MAP4: variants seen among roughly 807,000 people sequenced by gnomAD.
MAP4 encodes microtubule-associated protein 4.
Under a neutral mutation model 170.2 loss-of-function variants are expected in MAP4, and 76 were observed. That is an observed-to-expected ratio of 0.45 (90% CI 0.37 to 0.54). The LOEUF (loss-of-function observed/expected upper bound fraction) is 0.54. Among genes scored for constraint, MAP4 ranks in the 20% least tolerant of loss-of-function variants. The pLI, the probability that MAP4 is intolerant of heterozygous loss-of-function variation, is 0.00. For missense variants in MAP4, 2,506 were observed against 2,748.0 expected (o/e 0.91, Z 1.97); for synonymous variants, 909 against 994.5 (o/e 0.91, Z 1.62).
In MAP4 at chr3:47,904,258, A is replaced by T. The variant is rs550673436; in HGVS notation, c.5384-1258T>A. Among the ~76,000 whole-genome samples, 45 of 152,266 alleles carry T rather than the reference A, an allele frequency of 3.0e-4. No homozygotes were observed. The South Asian group carries it at 9.1e-3, about 31-fold the overall frequency. ...TTATGTGTGTGTGTATGATCTATTT[A>T]CCTATTTCCAGATAACCAGGCAAAT... On this transcript the variant is annotated intron_variant, in intron 9 of 20. Coordinates refer to ENST00000683076, the MANE Select transcript of MAP4 (RefSeq NM_001385682.1).
rs2090409014 is a variant in MAP4, at chr3:47,870,850, G to A, written c.6257C>T (p.Ser2086Phe). The change falls in exon 15 of 21, where the codon TCC becomes TTC. Residue 2086 changes from serine to phenylalanine, a missense_variant. Ser to Phe is a radical substitution (Grantham distance 155). Coordinates refer to ENST00000683076, the MANE Select transcript of MAP4 (RefSeq NM_001385682.1). ...AGGCTGATGCTTGATGTTTTCCGTG[G>A]AGCCAACCTTGGAGCGGACATTCTT... ...DLKNVRSKVGSTENIKHQPGG... is the reference protein window; with the variant it reads ...DLKNVRSKVGFTENIKHQPGG... The A allele has an allele frequency of 6.3e-7, 1 of 1,593,996 alleles. No individual in the cohort carries two copies. Among genetic ancestry groups the A allele is most frequent in the Non-Finnish European group, 8.6e-7 (1 of 1,167,984 alleles).
chr3:47,875,341 G>A (rs1171835288), intron 12 of MAP4, among the ~76,000 whole-genome samples: 2 of 152,198 alleles, frequency 1.3e-5, no homozygotes, highest in East Asian at 3.8e-4. Flanking sequence ...GTAGCTGAGA[G>A]AAAGGAGGAA....
Position 47,915,991 on chromosome 3 carries a change from A to C in MAP4, c.1836T>G (p.Asp612Glu). 1.2e-6 allele frequency: 2 copies of C among 1,614,098 alleles called. No homozygotes were observed. Among genetic ancestry groups the C allele is most frequent in the Non-Finnish European group, 1.7e-6 (2 of 1,179,952 alleles). The stretch of plus-strand genomic sequence containing the variant: ...AAGTAGGTGCAGCTGACTGCCCCAC[A>C]TCCTGCAGAGATTCTAAATGGGAAT... ...SEDSHLESLQ[D>E]VGQSAAPTFM... The change falls in exon 7 of 21, where the codon GAT becomes GAG. Residue 612 changes from aspartate to glutamate, a missense_variant. Asp to Glu is a conservative substitution (Grantham distance 45, BLOSUM62 2). Coordinates refer to ENST00000683076, the MANE Select transcript of MAP4 (RefSeq NM_001385682.1).
chr3:47,863,664 C>T (rs1017033649), intron 17 of MAP4, among the ~76,000 whole-genome samples: 1 of 152,046 alleles, frequency 6.6e-6, no homozygotes, highest in African/African-American at 2.4e-5. Context: ...ACTACACATG[C>T]ACAGCCCCTT....
intron 1 of MAP4, among the ~76,000 whole-genome samples, chr3:48,001,851 CTAA>C (rs1310659153): frequency 1.3e-5 from 2 of 152,094 alleles, no homozygotes; most frequent in Non-Finnish European, 2.9e-5. Flanking sequence ...TGTGACTATA[CTAA>C]TGAGTTCCTA....
At chr3:47,937,979 A>G (rs1038940416) in intron 3 of MAP4, among the ~76,000 whole-genome samples, 3 of 150,856 alleles carry the variant, frequency 2.0e-5, no homozygotes, top group African/African-American at 7.3e-5. Flanking sequence ...TTCTTTTATT[A>G]TTATTATTAA....
intron 10 of MAP4, among the ~76,000 whole-genome samples, chr3:47,887,274 T>C (rs565709049): frequency 6.6e-6 from 1 of 152,166 alleles, no homozygotes; most frequent in East Asian, 1.9e-4. Flanking sequence ...CGGGTGGGCG[T>C]GGGCTTGGTG....
chr3:47,883,744 T>A (rs1280027437), intron 10 of MAP4, among the ~76,000 whole-genome samples: 1 of 152,194 alleles, frequency 6.6e-6, no homozygotes, highest in Non-Finnish European at 1.5e-5. Context: ...AATTTGCAGT[T>A]GACAGTTCTT....
At chr3:48,051,092 CCACACACACACACACA>C (rs145028487) in intron 1 of MAP4, among the ~76,000 whole-genome samples, 2 of 143,914 alleles carry the variant, frequency 1.4e-5, no homozygotes, top group Non-Finnish European at 3.0e-5. Flanking sequence ...CATTCAATTT[CCACACACACACACACA>C]CACACACACA....
In MAP4 at chr3:47,875,677, C is replaced by A; in HGVS notation, c.5757+8G>T. ...TTTCCTCGGCACAGTAGTTAGGTGA[C>A]CACTTACCTTTGGCTTCACGTCTTT... On this transcript the variant is annotated splice_region_variant and intron_variant, in intron 12 of 20. Transcript: ENST00000683076. The A allele has an allele frequency of 6.2e-7, 1 of 1,610,796 alleles. No individual in the cohort carries two copies. The highest frequency in any genetic ancestry group is 8.5e-7 in the Non-Finnish European group (1 of 1,179,210).
intron 3 of MAP4, among the ~76,000 whole-genome samples, chr3:47,967,563 A>C (rs1283465145): frequency 6.6e-6 from 1 of 152,100 alleles, no homozygotes; most frequent in African/African-American, 2.4e-5. Flanking sequence ...GAGGCAAGAG[A>C]ATCACCTGAA....
chr3:47,910,394 C>G lies in MAP4; in HGVS notation c.4027G>C (p.Glu1343Gln), dbSNP rs776892916. ...AGFVPSVVSE[E>Q]NKTDAANRYT... is the part of the protein sequence containing the mutation. ...CTATTGGCTGCATCTGTCTTATTCTCCTCAGATACTACTGAAGGAACAAAT... is the reference window on the plus strand; with the variant it reads ...CTATTGGCTGCATCTGTCTTATTCTGCTCAGATACTACTGAAGGAACAAAT... The change falls in exon 9 of 21, where the codon GAG becomes CAG. Residue 1343 changes from glutamate to glutamine, a missense_variant. Around this residue, in one of 3 missense-constraint regions of MAP4, gnomAD observed 2,008 missense variants for 2,206.0 expected, o/e 0.91. Transcript: ENST00000683076. 20 of 1,536,942 alleles carry G rather than the reference C, an allele frequency of 1.3e-5. No homozygotes were observed. The South Asian group carries it at 2.4e-4, about 18-fold the overall frequency.
intron 1 of MAP4, among the ~76,000 whole-genome samples, chr3:48,044,185 C>T (rs554030154): frequency 1.3e-5 from 2 of 148,930 alleles, no homozygotes; most frequent in African/African-American, 4.9e-5. Context: ...GAGACAGTCT[C>T]ACTCTGTTGC....
At chr3:48,040,082 AT>A (rs1013156951) in intron 1 of MAP4, among the ~76,000 whole-genome samples, 4 of 152,112 alleles carry the variant, frequency 2.6e-5, no homozygotes, top group Non-Finnish European at 4.4e-5. Context: ...TCAGTTTGGA[AT>A]CTCTAAGGAC....
At chr3:47,876,600 CTT>C (rs1467562484) in intron 11 of MAP4, among the ~76,000 whole-genome samples, 1 of 151,968 alleles carries the variant, frequency 6.6e-6, no homozygotes, top group Admixed American at 6.6e-5. Flanking sequence ...TTTTTAATAA[CTT>C]TTTAATTTTT....
chr3:47,973,700 C>G (rs2100080206), intron 3 of MAP4: 2 of 985,260 alleles, frequency 2.0e-6, no homozygotes, highest in Non-Finnish European at 2.4e-6. Context: ...ATAACTTAGA[C>G]AGCTACAGGG....
Position 47,966,671 on chromosome 3 carries a change from T to C in MAP4, c.292+11194A>G, listed in dbSNP as rs577766187. Reference sequence around the variant, plus strand: ...CTGGGATTATTGGCATAAACCACTGTTCCCAGCAGGATCCAACTTTTTTAT... The same window carrying C: ...CTGGGATTATTGGCATAAACCACTGCTCCCAGCAGGATCCAACTTTTTTAT... On this transcript the variant is annotated intron_variant, in intron 3 of 20. Coordinates refer to ENST00000683076, the MANE Select transcript of MAP4 (RefSeq NM_001385682.1). 5.9e-5 allele frequency among the ~76,000 whole-genome samples: 9 copies of C among 152,286 alleles called. No homozygotes were observed. In the East Asian group the frequency reaches 1.7e-3, roughly 29 times the overall value.
intron 10 of MAP4, among the ~76,000 whole-genome samples, chr3:47,882,282 T>C (rs2096890596): frequency 6.6e-6 from 1 of 152,112 alleles, no homozygotes; most frequent in African/African-American, 2.4e-5. Flanking sequence ...TCCATCTCAG[T>C]AAATAAAAAA....
chr3:47,993,841 C>T (rs1483418716), intron 2 of MAP4, among the ~76,000 whole-genome samples: 1 of 152,164 alleles, frequency 6.6e-6, no homozygotes, highest in Non-Finnish European at 1.5e-5. Flanking sequence ...AGAATGACAA[C>T]ATCTTATTAT....
Sources: allele counts gnomAD v4.1 joint callset (sites outside exome capture counted in the v4.1 genomes callset), GRCh38; gene constraint gnomAD v4.1.1; regional missense constraint gnomAD v4.1.1; transcripts MANE v1.5; gene names NCBI Gene and HGNC (gene_info 2026-07-23, HGNC 2026-07-21).